The following CTSC variants were observed in gnomAD, a reference collection of about 807,000 sequenced individuals.
CTSC encodes dipeptidyl peptidase 1.
Under a neutral mutation model 40.9 loss-of-function variants are expected in CTSC, and 37 were observed. The observed-to-expected ratio is 0.91, with a 90% CI of 0.70 to 1.19. The LOEUF is 1.19. Among genes scored for constraint, CTSC ranks in the 50% most tolerant of loss-of-function variants. The probability of loss-of-function intolerance (pLI) is 0.00; values close to 1 mark genes in which losing one functional copy is unlikely to be tolerated. For synonymous variants in CTSC, 232 were observed against 207.4 expected (o/e 1.12, Z -1.02); for missense variants, 594 against 567.3 (o/e 1.05, Z -0.48).
intron 6 of CTSC, 43 bp downstream of exon 6, chr11:88,296,090 C>T: frequency 6.2e-7 from 1 of 1,609,538 alleles, no homozygotes; most frequent in Non-Finnish European, 8.5e-7. Flanking sequence ...CAGCTGCACA[C>T]AGGTAAATAG....
Position 88,293,981 on chromosome 11 carries a change from A to T in CTSC, c.*25T>A. 6.2e-7 allele frequency: 1 copy of T among 1,612,884 alleles called. No individual in the cohort carries two copies. The highest frequency in any genetic ancestry group is 8.5e-7 in the Non-Finnish European group (1 of 1,179,706). On this transcript the variant is annotated 3_prime_UTR_variant, in exon 7 of 7. Coordinates refer to ENST00000227266, the MANE Select transcript of CTSC (RefSeq NM_001814.6). ...TTCCCCTTTACAACTGATGCAGATC[A>T]TTATGAAATACTGGAAGGCATACCC... is the stretch of plus-strand genomic sequence containing the variant.
intron 2 of CTSC, among the ~76,000 whole-genome samples, chr11:88,316,401 G>A (rs1937878297): frequency 6.6e-6 from 1 of 151,972 alleles, no homozygotes; most frequent in Non-Finnish European, 1.5e-5. Context: ...CTTGAGGCCA[G>A]GTGTTTTGAG....
At chr11:88,324,872 T>C (rs1938137209) in intron 2 of CTSC, 18 of 985,202 alleles carry the variant, frequency 1.8e-5, no homozygotes, top group Admixed American at 6.2e-5. Context: ...CAGTCCACTG[T>C]ACTCTTAATT....
intron 3 of CTSC, among the ~76,000 whole-genome samples, chr11:88,310,403 C>T (rs577316318): frequency 6.6e-6 from 1 of 152,174 alleles, no homozygotes; most frequent in African/African-American, 2.4e-5. Flanking sequence ...ATAGAACTCA[C>T]CATATTATTA....
At chr11:88,297,386 A>C (rs923402234) in intron 5 of CTSC, 1 of 152,144 alleles carries the variant, frequency 6.6e-6, no homozygotes, top group Non-Finnish European at 1.5e-5. Flanking sequence ...AGGAGTGAGG[A>C]TACTTTTTTT....
chr11:88,298,930 C>G (rs1944327194), intron 5 of CTSC: 1 of 152,098 alleles, frequency 6.6e-6, no homozygotes, highest in African/African-American at 2.4e-5. Flanking sequence ...GTTTGCTAAA[C>G]TCTTCTACCT....
intron 1 of CTSC, among the ~76,000 whole-genome samples, chr11:88,335,522 A>G (rs763694884): frequency 2.0e-5 from 3 of 152,334 alleles, no homozygotes; most frequent in Non-Finnish European, 4.4e-5. Context: ...TGGAGGCTGC[A>G]GTGAGCTATG....
chr11:88,327,875 G>C lies in CTSC; in HGVS notation c.318+7062C>G, dbSNP rs1439791810. ...CTTAGGTTACAAGTAGCATTCTTGG[G>C]AGAGCTGATTTGACATGTGAAAACA... is the stretch of plus-strand genomic sequence containing the variant. On this transcript the variant is annotated intron_variant, in intron 2 of 6. Transcript: ENST00000227266. 5 of 529,922 alleles carry C rather than the reference G, an allele frequency of 9.4e-6. No homozygotes were observed. In the East Asian group the frequency reaches 1.0e-4, roughly 11 times the overall value. 32.8% of individuals were successfully genotyped at this position (529,922 alleles called of 1,614,324 possible). A position where few individuals can be genotyped will look rare whatever the true frequency, so the allele number is the denominator to read the frequency against.
rs371710716 is a variant in CTSC, at chr11:88,328,232, T to G, written c.318+6705A>C. On this transcript the variant is annotated intron_variant, in intron 2 of 6. Transcript: ENST00000227266. ...TTTACAATGGTAAACTGAGTCATTA[T>G]GTTGAGATTAAGCATCATCATGAAA... The G allele has an allele frequency of 2.8e-6, 4 of 1,449,336 alleles. No homozygotes were observed. The South Asian group carries it at 3.4e-5, about 12-fold the overall frequency. The allele number at this position is 1,449,336 out of a possible 1,614,324, so 89.8% of individuals were successfully genotyped here. A position where few individuals can be genotyped will look rare whatever the true frequency, so the allele number is the denominator to read the frequency against.
Position 88,337,535 on chromosome 11 carries a change from GCTGGAGCCCAC to G in CTSC, c.127_137del (p.Val43ArgfsTer30). On this transcript the variant is annotated frameshift_variant, in exon 1 of 7. Transcript: ENST00000227266. LOFTEE classifies it high-confidence loss of function. ...AGCAGTTGACATCGCGCTGGGAACC[GCTGGAGCCCAC>G]CTGGAAGACCCAGGTGCCCAGCAGG... The G allele has an allele frequency of 6.3e-7, 1 of 1,576,474 alleles. No individual in the cohort carries two copies. Among genetic ancestry groups the G allele is most frequent in the Non-Finnish European group, 8.6e-7 (1 of 1,160,158 alleles).
intron 2 of CTSC, chr11:88,324,787 G>C: frequency 2.1e-5 from 21 of 985,368 alleles, no homozygotes; most frequent in Non-Finnish European, 2.5e-5. Flanking sequence ...TCAGAGAGCA[G>C]CGTCATCAAG....
rs765589218 is a variant in CTSC, at chr11:88,337,537, T to C, written c.136A>G (p.Ser46Gly). ...LGTWVFQVGS[S>G]GSQRDVNCSV... ...CAGTTGACATCGCGCTGGGAACCGC[T>C]GGAGCCCACCTGGAAGACCCAGGTG... The change falls in exon 1 of 7, where the codon AGC (serine) becomes GGC (glycine). Residue 46 changes from serine (S) to glycine (G), a missense_variant. Physicochemically the swap from Ser to Gly is moderately conservative, Grantham distance 56. Transcript: ENST00000227266. 8.2e-6 allele frequency: 13 copies of C among 1,576,888 alleles called. No individual in the cohort carries two copies. The African/African-American group carries it at 1.5e-4, about 18-fold the overall frequency.
intron 4 of CTSC, among the ~76,000 whole-genome samples, chr11:88,303,244 C>G (rs990524936): frequency 6.6e-6 from 1 of 152,184 alleles, no homozygotes; most frequent in Non-Finnish European, 1.5e-5. Flanking sequence ...ACCAATTTCA[C>G]AGTGAATACT....
intron 2 of CTSC, among the ~76,000 whole-genome samples, chr11:88,327,426 AG>A (rs1298271294): frequency 1.3e-5 from 2 of 152,210 alleles, no homozygotes; most frequent in African/African-American, 4.8e-5. Flanking sequence ...AATGCAAGGA[AG>A]GGTAAGTCTC....
At chr11:88,328,254 G>T in intron 2 of CTSC, 1 of 1,215,042 alleles carries the variant, frequency 8.2e-7, no homozygotes, top group Non-Finnish European at 1.2e-6. Flanking sequence ...GCATCATCAT[G>T]AAAGAAGACA....
At chr11:88,307,379 G>A (rs1937657747) in intron 4 of CTSC, among the ~76,000 whole-genome samples, 1 of 151,984 alleles carries the variant, frequency 6.6e-6, no homozygotes, top group Admixed American at 6.6e-5. Context: ...TAGATCCTAA[G>A]CTAGATCCAG....
intron 5 of CTSC, 26 bp downstream of exon 5, chr11:88,300,501 TAAC>T: frequency 7.2e-7 from 1 of 1,383,642 alleles, no homozygotes; most frequent in African/African-American, 1.4e-5. Flanking sequence ...CCAAACAAAT[TAAC>T]AAAAAACTTA....
intron 5 of CTSC, chr11:88,299,304 C>G (rs1944332639): frequency 1.3e-5 from 2 of 152,178 alleles, no homozygotes; most frequent in African/African-American, 4.8e-5. Flanking sequence ...CCTTCAATTT[C>G]ACTTTCCATT....
intron 2 of CTSC, chr11:88,324,015 A>G (rs1188755133): frequency 6.6e-6 from 1 of 152,178 alleles, no homozygotes; most frequent in Non-Finnish European, 1.5e-5. Context: ...ATACTATACT[A>G]CAAGGCTACA....
Sources: gnomAD v4.1 joint callset for allele counts (sites outside exome capture counted in the v4.1 genomes callset) on GRCh38, gnomAD v4.1.1 for gene constraint, MANE v1.5 for transcripts, NCBI Gene and HGNC (gene_info 2026-07-23, HGNC 2026-07-21) for gene names.